Variants in RAP1A observed in about 807,000 individuals in gnomAD.
RAP1A encodes the protein ras-related protein Rap-1A.
RAP1A carries 6 observed loss-of-function variants against 26.4 expected under a neutral mutation model. The observed-to-expected ratio is 0.23, with a 90% CI of 0.12 to 0.45. The LOEUF (loss-of-function observed/expected upper bound fraction) is 0.45, where lower values mean the gene tolerates loss of function less well. Among genes scored for constraint, RAP1A ranks in the 20% least tolerant of loss-of-function variants. The pLI is 0.99. For missense variants in RAP1A, 121 were observed against 217.2 expected (o/e 0.56, Z 2.78); for synonymous variants, 73 against 79.4 (o/e 0.92, Z 0.43).
chr1:111,582,533 C>A (rs1346015827), intron 1 of RAP1A, among the ~76,000 whole-genome samples: 1 of 152,176 alleles, frequency 6.6e-6, no homozygotes, highest in Non-Finnish European at 1.5e-5. Flanking sequence ...ATGTAACTTA[C>A]AACTCCCTTG....
At chr1:111,704,932 A>T (rs1359209838) in intron 6 of RAP1A, among the ~76,000 whole-genome samples, 15 of 152,116 alleles carry the variant, frequency 9.9e-5, no homozygotes, top group Admixed American at 9.8e-4. Flanking sequence ...ATAAGTGGGT[A>T]ATCTGTGTGG....
chr1:111,602,569 A>G (rs1196104668), intron 1 of RAP1A, among the ~76,000 whole-genome samples: 2 of 152,066 alleles, frequency 1.3e-5, no homozygotes, highest in Non-Finnish European at 2.9e-5. Flanking sequence ...TTTTTCTCCC[A>G]CTTTTCTGAA....
At chr1:111,652,947 C>T (rs1660321024) in intron 1 of RAP1A, among the ~76,000 whole-genome samples, 1 of 152,162 alleles carries the variant, frequency 6.6e-6, no homozygotes, top group Non-Finnish European at 1.5e-5. Context: ...GAATTGGAAA[C>T]GTATGTGTAC....
At chr1:111,629,437 A>G (rs1659503673) in intron 1 of RAP1A, among the ~76,000 whole-genome samples, 1 of 152,180 alleles carries the variant, frequency 6.6e-6, no homozygotes, top group South Asian at 2.1e-4. Context: ...GTAAACTCAC[A>G]TGAACTGTGA....
intron 1 of RAP1A, among the ~76,000 whole-genome samples, chr1:111,668,025 G>A (rs1199068655): frequency 6.6e-6 from 1 of 152,192 alleles, no homozygotes; most frequent in Non-Finnish European, 1.5e-5. Flanking sequence ...TGCCAACTCC[G>A]AGGAAACTGG....
intron 4 of RAP1A, among the ~76,000 whole-genome samples, chr1:111,699,181 C>A (rs1221643665): frequency 6.6e-6 from 1 of 152,142 alleles, no homozygotes; most frequent in African/African-American, 2.4e-5. Context: ...TCACTCCTTA[C>A]ACTTTGAAGA....
chr1:111,552,336 A>G (rs1657298214), intron 1 of RAP1A, among the ~76,000 whole-genome samples: 1 of 152,200 alleles, frequency 6.6e-6, no homozygotes, highest in Non-Finnish European at 1.5e-5. Context: ...TAGAGATGGA[A>G]CGAAGGCAAG....
At chr1:111,561,365 C>T (rs1313554548) in intron 1 of RAP1A, among the ~76,000 whole-genome samples, 3 of 152,176 alleles carry the variant, frequency 2.0e-5, no homozygotes, top group East Asian at 1.9e-4. Context: ...CTCAAGCGAT[C>T]CGCTTGTCTC....
intron 1 of RAP1A, among the ~76,000 whole-genome samples, chr1:111,569,438 G>A (rs1353253062): frequency 6.6e-6 from 1 of 151,702 alleles, no homozygotes; most frequent in Non-Finnish European, 1.5e-5. Context: ...GACCGTGCCA[G>A]GGGTCAGCAC....
At chr1:111,631,274 A>G (rs1300055791) in intron 1 of RAP1A, among the ~76,000 whole-genome samples, 1 of 152,212 alleles carries the variant, frequency 6.6e-6, no homozygotes, top group African/African-American at 2.4e-5. Context: ...TATGTGATTA[A>G]TAAGATGTCA....
intron 1 of RAP1A, among the ~76,000 whole-genome samples, chr1:111,607,664 G>A (rs1463404509): frequency 4.7e-5 from 7 of 147,438 alleles, no homozygotes; most frequent in Admixed American, 2.0e-4. Flanking sequence ...CGTCCCTCCC[G>A]GACGGGGCGG....
At chr1:111,650,546 T>A (rs912528764) in intron 1 of RAP1A, 1 of 152,172 alleles carries the variant, frequency 6.6e-6, no homozygotes, top group African/African-American at 2.4e-5. Flanking sequence ...ATGACTTAAT[T>A]TTTTTAGAGC....
intron 1 of RAP1A, among the ~76,000 whole-genome samples, chr1:111,580,934 A>T (rs79168023): frequency 1.7e-3 from 263 of 151,768 alleles, no homozygotes; most frequent in African/African-American, 5.5e-3. Flanking sequence ...AGAGCAAAGG[A>T]GATACCACTA....
chr1:111,640,409 T>C (rs1659857797), intron 1 of RAP1A, among the ~76,000 whole-genome samples: 1 of 152,210 alleles, frequency 6.6e-6, no homozygotes, highest in African/African-American at 2.4e-5. Context: ...TGTGATAAAT[T>C]AGTATCAGTA....
chr1:111,683,051 C>G (rs928020124), intron 1 of RAP1A, among the ~76,000 whole-genome samples: 2 of 152,266 alleles, frequency 1.3e-5, no homozygotes, highest in Non-Finnish European at 2.9e-5. Flanking sequence ...AACTGAACAA[C>G]CTGCTCCTGA....
At chr1:111,662,717 A>G (rs1474723916) in intron 1 of RAP1A, among the ~76,000 whole-genome samples, 2 of 139,336 alleles carry the variant, frequency 1.4e-5, no homozygotes, top group Non-Finnish European at 3.2e-5. Context: ...GGAAAAAAGC[A>G]TTAAGCTTCT....
rs567234132 is a variant in RAP1A at position 111,560,540 on chromosome 1, G to A, written c.-28+18031G>A. Among the ~76,000 whole-genome samples the A allele has an allele frequency of 4.0e-5, 6 of 150,826 alleles. No individual in the cohort carries two copies. In the East Asian group the frequency reaches 1.2e-3, roughly 30 times the overall value. On this transcript the variant is annotated intron_variant, in intron 1 of 7. Transcript: ENST00000356415. ...AGGGTCTTCTGTCACTGAGGCTGGA[G>A]TGCAATGGCACGATCATAGCTCACT...
chr1:111,655,286 A>G (rs538492690), intron 1 of RAP1A, among the ~76,000 whole-genome samples: 1 of 152,114 alleles, frequency 6.6e-6, no homozygotes, highest in East Asian at 1.9e-4. Context: ...AACAACAGAA[A>G]TTAACTTGAG....
intron 1 of RAP1A, among the ~76,000 whole-genome samples, chr1:111,632,568 G>T (rs1027107741): frequency 6.6e-6 from 1 of 152,096 alleles, no homozygotes; most frequent in African/African-American, 2.4e-5. Context: ...TGGAATGAGG[G>T]CTAGGAGGAG....
Sources: gnomAD v4.1 joint callset for allele counts (sites outside exome capture counted in the v4.1 genomes callset) on GRCh38, gnomAD v4.1.1 for gene constraint, MANE v1.5 for transcripts, NCBI Gene and HGNC (gene_info 2026-07-23, HGNC 2026-07-21) for gene names.